Variants in COPB1 observed in about 807,000 individuals in gnomAD.
COPB1 encodes the protein coatomer subunit beta.
Under a neutral mutation model 108.7 loss-of-function variants are expected in COPB1, and 21 were observed. The ratio of observed to expected loss-of-function variants is 0.19; its 90% CI spans 0.14 to 0.28. The LOEUF is 0.28. COPB1 is among the 10% of genes least tolerant of loss of function. COPB1 has a pLI of 1.00. For synonymous variants in COPB1, 378 were observed against 386.8 expected, an observed-to-expected ratio of 0.98 and a Z score of 0.27; for missense variants, 919 against 1,141.3, an observed-to-expected ratio of 0.81 and a Z score of 2.81.
intron 6 of COPB1, 66 bp downstream of exon 6, chr11:14,488,426 A>G: frequency 3.5e-6 from 3 of 867,576 alleles, no homozygotes; most frequent in South Asian, 3.9e-5. Context: ...TATCCCAGAA[A>G]GAAAGTATTT....
chr11:14,466,937 T>C (rs1565013103), intron 16 of COPB1, among the ~76,000 whole-genome samples: 1 of 151,988 alleles, frequency 6.6e-6, no homozygotes, highest in Admixed American at 6.5e-5. Flanking sequence ...GCCACAAAAA[T>C]AAAATTACAA....
At chr11:14,497,317 T>C (rs1437943696) in intron 2 of COPB1, among the ~76,000 whole-genome samples, 1 of 149,190 alleles carries the variant, frequency 6.7e-6, no homozygotes, top group African/African-American at 2.5e-5. Context: ...TAACCAGATA[T>C]GTAAGGAGCT....
intron 17 of COPB1, 30 bp from the exon 18 acceptor site, chr11:14,465,060 AATACAC>A (rs766143503): frequency 7.4e-7 from 1 of 1,357,548 alleles, no homozygotes; most frequent in Non-Finnish European, 9.9e-7. Flanking sequence ...TATGGTTAAA[AATACAC>A]ACACACACAC....
At chr11:14,472,396 C>T (rs1384410204) in intron 14 of COPB1, among the ~76,000 whole-genome samples, 1 of 152,182 alleles carries the variant, frequency 6.6e-6, no homozygotes, top group African/African-American at 2.4e-5. Flanking sequence ...GTGCTGACAT[C>T]CAGGCTTTGT....
chr11:14,498,732 T>A, intron 2 of COPB1, 106 bp downstream of exon 2: 1 of 878,744 alleles, frequency 1.1e-6, no homozygotes, highest in Non-Finnish European at 1.7e-6. Context: ...AGAAAAACTT[T>A]AGACAAAAAT....
chr11:14,493,361 T>C (rs944728472), intron 4 of COPB1, among the ~76,000 whole-genome samples: 2 of 152,132 alleles, frequency 1.3e-5, no homozygotes, highest in Non-Finnish European at 2.9e-5. Flanking sequence ...CTTGGAGTAA[T>C]ACGGTTGAGA....
rs1200057314 is a variant in COPB1 at position 14,469,439 on chromosome 11, G to C, written c.1862C>G (p.Ser621Cys). The C allele has an allele frequency of 6.2e-6, 10 of 1,614,158 alleles. No individual in the cohort carries two copies. The highest frequency in any genetic ancestry group is 8.5e-6 in the Non-Finnish European group (10 of 1,180,028). The change falls in exon 15 of 22, where the codon TCT (serine) becomes TGT (cysteine). Residue 621 changes from serine (S) to cysteine (C), a missense_variant. By Grantham distance (112) the Ser-to-Cys change is moderately radical. Transcript: ENST00000439561. ...DRISLCLKVL[S>C]ECSPLMNDIF... is the part of the protein sequence containing the mutation. The stretch of plus-strand genomic sequence containing the variant: ...GTCATTCATTAAAGGTGAACATTCA[G>C]ACAAGACCTTGAGGCACAGGGAAAT...
chr11:14,461,037 A>T, intron 19 of COPB1, 149 bp downstream of exon 19: 1 of 943,302 alleles, frequency 1.1e-6, no homozygotes, highest in Non-Finnish European at 1.6e-6. Flanking sequence ...ATTTTTAGTT[A>T]AGGCTAATTT....
chr11:14,486,603 C>T, intron 6 of COPB1, 99 bp from the exon 7 acceptor site: 1 of 1,430,036 alleles, frequency 7.0e-7, no homozygotes, highest in Non-Finnish European at 9.5e-7. Flanking sequence ...CTAGTTTTCT[C>T]AATATGAAAG....
At chr11:14,469,696 C>T (rs1378298479) in intron 14 of COPB1, 133 bp from the exon 15 acceptor site, 9 of 782,752 alleles carry the variant, frequency 1.1e-5, no homozygotes, top group Non-Finnish European at 1.8e-5. Flanking sequence ...ATTTTATGTC[C>T]ATATCTGTTT....
At chr11:14,483,587 G>C (rs1335831371) in intron 7 of COPB1, among the ~76,000 whole-genome samples, 1 of 152,004 alleles carries the variant, frequency 6.6e-6, no homozygotes, top group Non-Finnish European at 1.5e-5. Context: ...AGAATATAAA[G>C]ATCACCCAGA....
intron 20 of COPB1, 133 bp from the exon 21 acceptor site, chr11:14,458,820 A>G (rs1850082436): frequency 5.2e-6 from 4 of 775,688 alleles, no homozygotes; most frequent in Non-Finnish European, 7.7e-6. Context: ...TTGGAGCTGG[A>G]GTGCAGTGGC....
intron 6 of COPB1, 92 bp from the exon 7 acceptor site, chr11:14,486,596 G>A: frequency 6.8e-7 from 1 of 1,476,950 alleles, no homozygotes; most frequent in Non-Finnish European, 9.2e-7. Context: ...TGGGATGCTA[G>A]TTTTCTCAAT....
chr11:14,474,649 A>C (rs1364614929), intron 13 of COPB1, 34 bp from the exon 14 acceptor site: 1 of 1,610,492 alleles, frequency 6.2e-7, no homozygotes, highest in Admixed American at 1.7e-5. Flanking sequence ...AAACCCACCA[A>C]CTTGCTAAGC....
intron 15 of COPB1, among the ~76,000 whole-genome samples, 191 bp downstream of exon 15, chr11:14,469,145 C>T (rs1448641539): frequency 6.6e-6 from 1 of 152,120 alleles, no homozygotes; most frequent in East Asian, 1.9e-4. Flanking sequence ...CAGGCACATA[C>T]CACCATGCCT....
At chr11:14,460,328 C>A in intron 19 of COPB1, 31 bp from the exon 20 acceptor site, 1 of 1,361,376 alleles carries the variant, frequency 7.3e-7, no homozygotes, top group Admixed American at 1.9e-5. Context: ...TCAAGGAGAT[C>A]ATAAATCTTA....
At chr11:14,482,411 TATA>T (rs543611042) in intron 8 of COPB1, among the ~76,000 whole-genome samples, 75 of 152,326 alleles carry the variant, frequency 4.9e-4, no homozygotes, top group Middle Eastern at 3.4e-3. Flanking sequence ...TCTCAATTGG[TATA>T]ATAATTTTCC....
At chr11:14,493,527 C>G in intron 4 of COPB1, 115 bp downstream of exon 4, 1 of 833,336 alleles carries the variant, frequency 1.2e-6, no homozygotes, top group Non-Finnish European at 1.8e-6. Context: ...CAGTGCTGGC[C>G]ATACAAAATA....
intron 7 of COPB1, among the ~76,000 whole-genome samples, chr11:14,484,250 G>C (rs1850720854): frequency 6.6e-6 from 1 of 152,222 alleles, no homozygotes; most frequent in African/African-American, 2.4e-5. Context: ...ATACAATATG[G>C]GATCCTAGGT....
Sources: allele counts gnomAD v4.1 joint callset (sites outside exome capture counted in the v4.1 genomes callset), GRCh38; gene constraint gnomAD v4.1.1; transcripts MANE v1.5; gene names NCBI Gene and HGNC (gene_info 2026-07-23, HGNC 2026-07-21).